The following BRINP1 variants were observed in gnomAD, a reference collection of about 807,000 sequenced individuals.
BRINP1 encodes BMP/retinoic acid inducible neural specific 1.
A neutral mutation model predicts 72.9 loss-of-function variants in BRINP1; 17 were observed. The ratio of observed to expected loss-of-function variants is 0.23; its 90% CI spans 0.16 to 0.35. BRINP1 has a LOEUF of 0.35. Among genes scored for constraint, BRINP1 ranks in the 10% least tolerant of loss-of-function variants. BRINP1 has a pLI of 1.00. For synonymous variants in BRINP1, 418 were observed against 378.5 expected, an observed-to-expected ratio of 1.10 and a Z score of -1.21; for missense variants, 850 against 1,001.6, an observed-to-expected ratio of 0.85 and a Z score of 2.04.
intron 2 of BRINP1, among the ~76,000 whole-genome samples, chr9:119,266,115 T>C (rs558971191): frequency 1.3e-5 from 2 of 151,878 alleles, no homozygotes; most frequent in Admixed American, 6.6e-5. Flanking sequence ...ATGGAAAAAA[T>C]AGAGCAAGTT....
chr9:119,201,670 T>G (rs1476177619), intron 7 of BRINP1, among the ~76,000 whole-genome samples: 1 of 152,126 alleles, frequency 6.6e-6, no homozygotes, highest in Non-Finnish European at 1.5e-5. Context: ...TGAACTTAGG[T>G]CTCTGGCTTC....
intron 2 of BRINP1, among the ~76,000 whole-genome samples, chr9:119,263,999 C>G (rs1272473495): frequency 6.6e-6 from 1 of 152,194 alleles, no homozygotes. Context: ...TTCTTAGGCA[C>G]TTCCCGCAAT....
chr9:119,305,626 C>G (rs370479478), intron 2 of BRINP1, among the ~76,000 whole-genome samples: 2 of 152,162 alleles, frequency 1.3e-5, no homozygotes, highest in South Asian at 4.1e-4. Context: ...TGTTCAACAC[C>G]TCTTCCTCCA....
At chr9:119,211,278 A>T (rs1043653978) in intron 6 of BRINP1, among the ~76,000 whole-genome samples, 4 of 151,916 alleles carry the variant, frequency 2.6e-5, no homozygotes, top group Non-Finnish European at 5.9e-5. Flanking sequence ...GCTCACTGCA[A>T]CCTCTGCCTC....
chr9:119,254,159 A>C (rs767674121), intron 2 of BRINP1, among the ~76,000 whole-genome samples: 4 of 152,246 alleles, frequency 2.6e-5, no homozygotes, highest in Non-Finnish European at 5.9e-5. Context: ...ATACCACAGT[A>C]AACAAAATTA....
At chr9:119,296,896 AACG>A (rs869295284) in intron 2 of BRINP1, among the ~76,000 whole-genome samples, 3 of 82,216 alleles carry the variant, frequency 3.6e-5, no homozygotes, top group Non-Finnish European at 1.0e-4. Flanking sequence ...AAAGGGTACG[AACG>A]AAGTTTCTGT....
chr9:119,361,463 A>G (rs958228702), intron 1 of BRINP1, among the ~76,000 whole-genome samples: 3 of 152,158 alleles, frequency 2.0e-5, no homozygotes, highest in African/African-American at 7.2e-5. Flanking sequence ...CCACTCAGCC[A>G]CACTGTCTCG....
At chr9:119,170,352 G>T (rs1048022640) in intron 7 of BRINP1, among the ~76,000 whole-genome samples, 1 of 151,176 alleles carries the variant, frequency 6.6e-6, no homozygotes, top group Non-Finnish European at 1.5e-5. Flanking sequence ...CTCAGGAGCC[G>T]ATGCGATCAA....
chr9:119,273,532 G>C (rs1444637312), intron 2 of BRINP1, among the ~76,000 whole-genome samples: 15 of 152,154 alleles, frequency 9.9e-5, no homozygotes, highest in Admixed American at 9.8e-4. Context: ...TGCATGGAGT[G>C]GGGTTAGGGA....
intron 2 of BRINP1, among the ~76,000 whole-genome samples, chr9:119,307,375 T>G (rs1474816315): frequency 6.6e-6 from 1 of 152,190 alleles, no homozygotes; most frequent in East Asian, 1.9e-4. Flanking sequence ...ATTTGCATAT[T>G]GGATCAAAAT....
In BRINP1 at chr9:119,369,164, CG is replaced by C; in HGVS notation, c.-160del. 2.5e-6 allele frequency: 1 copy of C among 398,798 alleles called. No homozygotes were observed. Among genetic ancestry groups the C allele is most frequent in the East Asian group, 3.6e-5 (1 of 28,078 alleles). 24.7% of individuals were successfully genotyped at this position (398,798 alleles called of 1,614,324 possible). On this transcript the variant is annotated 5_prime_UTR_variant, in exon 1 of 8. An upstream open reading frame in the 5' UTR gains an earlier in-frame stop. Transcript: ENST00000265922. ...TGCAGCTCGCATTCCGGGCACGGCG[CG>C]GGGACTGCAGGCGTGGGGGTACCTG...
At chr9:119,332,731 T>G (rs1831311935) in intron 1 of BRINP1, among the ~76,000 whole-genome samples, 1 of 152,116 alleles carries the variant, frequency 6.6e-6, no homozygotes, top group Admixed American at 6.5e-5. Flanking sequence ...AGCACCCCCC[T>G]TCCCCACTGA....
At chr9:119,196,227 G>A (rs1487726916) in intron 7 of BRINP1, among the ~76,000 whole-genome samples, 1 of 152,132 alleles carries the variant, frequency 6.6e-6, no homozygotes, top group East Asian at 1.9e-4. Flanking sequence ...CTGGGACTTA[G>A]GACCCACCTC....
intron 7 of BRINP1, among the ~76,000 whole-genome samples, chr9:119,184,034 C>T (rs1188978184): frequency 6.6e-6 from 1 of 152,060 alleles, no homozygotes; most frequent in African/African-American, 2.4e-5. Context: ...ACTAAATCCC[C>T]TGAGCTTACA....
chr9:119,169,279 G>A (rs1829368128), intron 7 of BRINP1, among the ~76,000 whole-genome samples: 2 of 152,248 alleles, frequency 1.3e-5, no homozygotes, highest in Non-Finnish European at 2.9e-5. Context: ...CACGCACCGT[G>A]CGCGAGCTGA....
At position 119,184,971 on chromosome 9, in the gene BRINP1, A is replaced by G. The variant is rs371850035; in HGVS notation, c.1146-16747T>C. 1.7e-4 allele frequency among the ~76,000 whole-genome samples: 26 copies of G among 152,312 alleles called. 1 individual carries two copies. Among genetic ancestry groups the G allele is most frequent in the African/African-American group, 6.3e-4 (26 of 41,582 alleles). On this transcript the variant is annotated intron_variant, in intron 7 of 7. Transcript: ENST00000265922. ...ACTTTTGCACACTGGCTCTAAACTG[A>G]CATTAATTCCAGGAGATGTAAAATA... is the stretch of plus-strand genomic sequence containing the variant.
chr9:119,313,345 C>A lies in BRINP1; in HGVS notation c.11G>T (p.Arg4Met), dbSNP rs1227067123. 6.2e-7 allele frequency: 1 copy of A among 1,613,776 alleles called. No homozygotes were observed. The highest frequency in any genetic ancestry group is 8.5e-7 in the Non-Finnish European group (1 of 1,179,990). ...CAGGAAGTAGAGGAGCTCAACAAAC[C>A]TCCAGTTCATGCTTTTCTGCCGGCC... Reference protein sequence around the residue: MNWRFVELLYFLFI... With the variant: MNWMFVELLYFLFI... Residue 4 changes from arginine to methionine, a missense_variant, in exon 2 of 8, where the codon AGG becomes ATG. Arg to Met is a moderately conservative substitution (Grantham distance 91). Coordinates refer to ENST00000265922, the MANE Select transcript of BRINP1 (RefSeq NM_014618.3).
chr9:119,332,202 T>C (rs562752278), intron 1 of BRINP1, among the ~76,000 whole-genome samples: 38 of 152,340 alleles, frequency 2.5e-4, no homozygotes, highest in Non-Finnish European at 4.9e-4. Context: ...TATTTTCCCA[T>C]CTGTGTTGCT....
chr9:119,324,604 C>A (rs1236398924), intron 1 of BRINP1, among the ~76,000 whole-genome samples: 1 of 152,180 alleles, frequency 6.6e-6, no homozygotes, highest in Non-Finnish European at 1.5e-5. Context: ...TCAAGATAAT[C>A]ATGAAGACTA....
Sources: gnomAD v4.1 joint callset for allele counts (sites outside exome capture counted in the v4.1 genomes callset) on GRCh38, gnomAD v4.1.1 for gene constraint, MANE v1.5 for transcripts, NCBI Gene and HGNC (gene_info 2026-07-23, HGNC 2026-07-21) for gene names.